Variants in HIKESHI observed in about 807,000 individuals in gnomAD.
HIKESHI encodes the protein heat shock protein nuclear import factor hikeshi.
Under a neutral mutation model 25.7 loss-of-function variants are expected in HIKESHI, and 13 were observed. That is an observed-to-expected ratio of 0.51 (90% confidence interval 0.33 to 0.80). The LOEUF is 0.80. Among genes scored for constraint, HIKESHI ranks in the 30% least tolerant of loss-of-function variants. The pLI is 0.02. For synonymous variants in HIKESHI, 76 were observed against 78.7 expected (o/e 0.97, Z 0.18); for missense variants, 174 against 229.5 (o/e 0.76, Z 1.56).
chr11:86,303,780 C>T (rs2138275054), intron 1 of HIKESHI, among the ~76,000 whole-genome samples: 1 of 152,266 alleles, frequency 6.6e-6, no homozygotes. Flanking sequence ...GAAAAATCTA[C>T]TTATCTAAAC....
At chr11:86,306,778 C>T (rs902239159) in intron 2 of HIKESHI, among the ~76,000 whole-genome samples, 4 of 151,394 alleles carry the variant, frequency 2.6e-5, no homozygotes, top group African/African-American at 9.7e-5. Flanking sequence ...GCGGGCGGAT[C>T]ACGAGGTCAG....
chr11:86,329,574 C>CT (rs71040232), intron 2 of HIKESHI, among the ~76,000 whole-genome samples: 12,428 of 143,732 alleles, frequency 0.086, 771 homozygotes, highest in African/African-American at 0.17. Flanking sequence ...CCTGTGATTT[C>CT]TTTTTTTTTT....
intron 2 of HIKESHI, among the ~76,000 whole-genome samples, chr11:86,321,350 C>T (rs564042307): frequency 6.6e-6 from 1 of 152,246 alleles, no homozygotes; most frequent in East Asian, 1.9e-4. Context: ...TGGGTTGTTA[C>T]TAGTTTTTGG....
rs760640958 is a variant in HIKESHI at position 86,306,308 on chromosome 11, A to C, written c.94A>C (p.Ser32Arg). 2.5e-6 allele frequency: 4 copies of C among 1,614,002 alleles called. No homozygotes were observed. The highest frequency in any genetic ancestry group is 3.4e-6 in the Non-Finnish European group (4 of 1,179,996). Residue 32 changes from serine (S) to arginine (R), a missense_variant, in exon 2 of 5, where the codon AGT (serine) becomes CGT (arginine). Coordinates refer to ENST00000278483, the MANE Select transcript of HIKESHI (RefSeq NM_016401.4). Reference protein sequence around the residue: ...KFVFDLPDYESINHVVVFMLG... With the variant: ...KFVFDLPDYERINHVVVFMLG... The stretch of plus-strand genomic sequence containing the variant: ...TGTTTTTGACTTACCTGATTATGAA[A>C]GTATCAACCATGTTGTGGTTTTTAT...
intron 2 of HIKESHI, among the ~76,000 whole-genome samples, chr11:86,313,082 C>T (rs1000462158): frequency 1.3e-4 from 20 of 151,892 alleles, no homozygotes; most frequent in East Asian, 3.9e-4. Context: ...TTTGCAGAGC[C>T]GTAATTCTTT....
At chr11:86,337,305 T>C in intron 2 of HIKESHI, 74 bp from the exon 3 acceptor site, 1 of 1,414,718 alleles carries the variant, frequency 7.1e-7, no homozygotes, top group African/African-American at 1.4e-5. Flanking sequence ...TAGAGGTTCT[T>C]TATAAATTTA....
chr11:86,302,894 G>A (rs1260139501), intron 1 of HIKESHI, among the ~76,000 whole-genome samples: 1 of 152,192 alleles, frequency 6.6e-6, no homozygotes. Flanking sequence ...TTGAGGTAGA[G>A]GTGAATTTGG....
intron 4 of HIKESHI, chr11:86,344,979 C>A: frequency 1.8e-6 from 1 of 548,048 alleles, no homozygotes; most frequent in Non-Finnish European, 2.9e-6. Flanking sequence ...ACTATTAAAG[C>A]TTATAAATAT....
At chr11:86,321,479 G>GT (rs1947143682) in intron 2 of HIKESHI, among the ~76,000 whole-genome samples, 1 of 151,894 alleles carries the variant, frequency 6.6e-6, no homozygotes, top group Non-Finnish European at 1.5e-5. Context: ...GTAATTAAAT[G>GT]TTTTACCTTT....
At chr11:86,325,628 C>A (rs1041124648) in intron 2 of HIKESHI, among the ~76,000 whole-genome samples, 1 of 151,760 alleles carries the variant, frequency 6.6e-6, no homozygotes, top group African/African-American at 2.4e-5. Context: ...AATCCCAGCA[C>A]TTTGGGAGGC....
chr11:86,345,825 A>G lies in HIKESHI; in HGVS notation c.*187A>G, dbSNP rs1947856624. 1.6e-5 allele frequency: 6 copies of G among 377,466 alleles called. No homozygotes were observed. The highest frequency in any genetic ancestry group is 4.4e-5 in the Admixed American group (1 of 22,852). The allele number at this position is 377,466 out of a possible 1,614,324, so 23.4% of individuals were successfully genotyped here. A position where few individuals can be genotyped will look rare whatever the true frequency, so the allele number is the denominator to read the frequency against. The stretch of plus-strand genomic sequence containing the variant: ...GAAAAATGAAAATATGTTCATCATT[A>G]AAGACTTTTTTCCCCTTAAGCTTAA... On this transcript the variant is annotated 3_prime_UTR_variant, in exon 5 of 5. Coordinates refer to ENST00000278483, the MANE Select transcript of HIKESHI (RefSeq NM_016401.4).
intron 2 of HIKESHI, among the ~76,000 whole-genome samples, chr11:86,306,954 C>A (rs954821449): frequency 6.7e-6 from 1 of 149,136 alleles, no homozygotes; most frequent in African/African-American, 2.5e-5. Context: ...GAGCCAAGAT[C>A]CCACCACTGC....
Position 86,316,491 on chromosome 11 carries a change from G to C in HIKESHI, c.268+10009G>C, listed in dbSNP as rs550444701. ...CCCACCACGGCACTCCAGCCTGGGC[G>C]ACAGAGTGAGACTCCATCTTCAAAA... On this transcript the variant is annotated intron_variant, in intron 2 of 4. Coordinates refer to ENST00000278483, the MANE Select transcript of HIKESHI (RefSeq NM_016401.4). Among the ~76,000 whole-genome samples, 37 of 152,000 alleles carry C rather than the reference G, an allele frequency of 2.4e-4. No individual in the cohort carries two copies. In the East Asian group the frequency reaches 6.0e-3, roughly 25 times the overall value.
chr11:86,307,257 A>G (rs1382816259), intron 2 of HIKESHI, among the ~76,000 whole-genome samples: 2 of 76,032 alleles, frequency 2.6e-5, no homozygotes, highest in African/African-American at 9.8e-5. Flanking sequence ...AATATATATT[A>G]TGTGTAATAT....
chr11:86,320,983 G>A (rs569000500), intron 2 of HIKESHI, among the ~76,000 whole-genome samples: 84 of 152,172 alleles, frequency 5.5e-4, no homozygotes, highest in African/African-American at 2.0e-3. Flanking sequence ...TGCTCAGGCT[G>A]GAGTGCAATG....
At chr11:86,317,415 A>C (rs1042899318) in intron 2 of HIKESHI, among the ~76,000 whole-genome samples, 8 of 152,322 alleles carry the variant, frequency 5.3e-5, no homozygotes, top group Non-Finnish European at 1.0e-4. Flanking sequence ...TGATGCTAAA[A>C]GTAGAAATTA....
intron 2 of HIKESHI, among the ~76,000 whole-genome samples, chr11:86,311,909 C>A (rs749613393): frequency 3.3e-5 from 5 of 151,982 alleles, no homozygotes; most frequent in Non-Finnish European, 7.4e-5. Context: ...GTTTGAATGC[C>A]CTGTGGTCTG....
rs1295298709 is a variant in HIKESHI at position 86,343,326 on chromosome 11, A to C, written c.421-1277A>C. ...GCTGTTGATTTTTTTTTTTTTTCCT[A>C]ATATTGATCTTTTAGTTGTGACTTT... On this transcript the variant is annotated intron_variant, in intron 3 of 4. Transcript: ENST00000278483. Among the ~76,000 whole-genome samples, 11 of 146,478 alleles carry C rather than the reference A, an allele frequency of 7.5e-5. No homozygotes were observed. In the South Asian group the frequency reaches 1.7e-3, roughly 23 times the overall value.
chr11:86,330,537 A>G (rs1396702454), intron 2 of HIKESHI, among the ~76,000 whole-genome samples: 2 of 152,166 alleles, frequency 1.3e-5, no homozygotes, highest in Non-Finnish European at 2.9e-5. Context: ...GAATAACAAG[A>G]AGCAAAAATA....
Sources: gnomAD v4.1 joint callset for allele counts (sites outside exome capture counted in the v4.1 genomes callset) on GRCh38, gnomAD v4.1.1 for gene constraint, MANE v1.5 for transcripts, NCBI Gene and HGNC (gene_info 2026-07-23, HGNC 2026-07-21) for gene names.